The following ATXN2 variants were observed in gnomAD, a reference collection of about 807,000 sequenced individuals.
ATXN2 encodes the protein ataxin-2.
A neutral mutation model predicts 138.6 loss-of-function variants in ATXN2; 37 were observed. The ratio of observed to expected loss-of-function variants is 0.27; its 90% CI spans 0.21 to 0.35. The LOEUF is 0.35. ATXN2 is among the 10% of genes least tolerant of loss of function. ATXN2 has a pLI of 1.00. For missense variants in ATXN2, 1,216 were observed against 1,480.3 expected (o/e 0.82, Z 2.93); for synonymous variants, 549 against 543.7 (o/e 1.01, Z -0.13).
At chr12:111,460,424 C>G (rs757216300) in intron 21 of ATXN2, among the ~76,000 whole-genome samples, 1 of 152,166 alleles carries the variant, frequency 6.6e-6, no homozygotes, top group Non-Finnish European at 1.5e-5. Context: ...TGGTCCCCTA[C>G]TGTTAAACCA....
intron 18 of ATXN2, among the ~76,000 whole-genome samples, chr12:111,481,047 C>T (rs1206783667): frequency 6.6e-6 from 1 of 152,108 alleles, no homozygotes; most frequent in South Asian, 2.1e-4. Flanking sequence ...TGGTGGTTCG[C>T]GTCTAAAATC....
chr12:111,557,013 G>A (rs1592898078), intron 1 of ATXN2, among the ~76,000 whole-genome samples: 1 of 152,040 alleles, frequency 6.6e-6, no homozygotes, highest in African/African-American at 2.4e-5. Context: ...TGGCTGTCAA[G>A]TAAAGATGAA....
intron 1 of ATXN2, chr12:111,581,703 G>C: frequency 1.5e-6 from 1 of 677,408 alleles, no homozygotes; most frequent in African/African-American, 1.8e-5. Flanking sequence ...CTGAACATCT[G>C]GGCCCTGATT....
In ATXN2 at chr12:111,453,681, A is replaced by T; in HGVS notation, c.3435T>A (p.Pro1145=). The T allele has an allele frequency of 6.2e-7, 1 of 1,600,970 alleles. No individual in the cohort carries two copies. Among genetic ancestry groups the T allele is most frequent in the South Asian group, 1.1e-5 (1 of 89,258 alleles). The stretch of plus-strand genomic sequence containing the variant: ...CCCTGCACACACACGCCTCACCTGA[A>T]GGGTGCGTCATATAGGGGAAATGCG... The part of the protein sequence containing the change: ...TTAHFPYMTH[P]SVQAHHQQQL Residue 1145 remains proline (P), a synonymous_variant, in exon 24 of 25, where the codon CCT becomes CCA. Transcript: ENST00000673436. The surrounding 1 kb of genome is among the most constrained non-coding windows in gnomAD (Gnocchi z 5.4).
At chr12:111,554,341 A>G in intron 2 of ATXN2, 124 bp from the exon 3 acceptor site, 1 of 588,022 alleles carries the variant, frequency 1.7e-6, no homozygotes, top group East Asian at 3.4e-5. Flanking sequence ...GGATATTTGC[A>G]TTATACTTAG....
chr12:111,456,839 C>T (rs1875139729), intron 22 of ATXN2, among the ~76,000 whole-genome samples: 1 of 152,084 alleles, frequency 6.6e-6, no homozygotes, highest in South Asian at 2.1e-4. Context: ...GCTCCGCCTC[C>T]CGGGTTCACG....
intron 1 of ATXN2, chr12:111,597,846 GC>G: frequency 7.8e-7 from 1 of 1,284,762 alleles, no homozygotes; most frequent in East Asian, 5.6e-5. Flanking sequence ...TGCGCAGGGT[GC>G]CCGCCCCCTG....
At chr12:111,469,756 G>GC (rs1404336666) in intron 20 of ATXN2, 2 of 307,250 alleles carry the variant, frequency 6.5e-6, no homozygotes, top group Non-Finnish European at 1.2e-5. Context: ...ACACCTTTAT[G>GC]CTTTTATTAT....
intron 14 of ATXN2, among the ~76,000 whole-genome samples, chr12:111,493,817 C>CA (rs1386841803): frequency 2.4e-4 from 36 of 151,796 alleles, no homozygotes; most frequent in Admixed American, 2.4e-3. Flanking sequence ...TTAGTAGAGA[C>CA]AGAGTTTCAC....
At position 111,567,266 on chromosome 12, in the gene ATXN2, T is replaced by C. The variant is rs116368304; in HGVS notation, c.252-11347A>G. Among the ~76,000 whole-genome samples, 856 of 151,820 alleles carry C rather than the reference T, an allele frequency of 5.6e-3. 5 individuals are homozygous for C. The highest frequency in any genetic ancestry group is 0.019 in the African/African-American group (786 of 41,414). ...CTTGTAATCCCAGCACTTTGCGAAG[T>C]TGAGGCGGGCAGATCACGAAGCCAG... is the stretch of plus-strand genomic sequence containing the variant. On this transcript the variant is annotated intron_variant, in intron 1 of 24. Coordinates refer to ENST00000673436, the MANE Select transcript of ATXN2 (RefSeq NM_001372574.1).
intron 22 of ATXN2, 38 bp from the exon 23 acceptor site, chr12:111,456,294 T>C (rs1324455799): frequency 1.2e-6 from 2 of 1,609,296 alleles, no homozygotes; most frequent in South Asian, 2.2e-5. Context: ...GGAAAACTTC[T>C]TTAATGAAAA....
At chr12:111,589,989 C>A (rs1884571723) in intron 1 of ATXN2, among the ~76,000 whole-genome samples, 1 of 151,956 alleles carries the variant, frequency 6.6e-6, no homozygotes, top group African/African-American at 2.4e-5. Context: ...ACAGGCAGAT[C>A]ACCTAAGGTC....
At chr12:111,574,539 T>C (rs1468410495) in intron 1 of ATXN2, among the ~76,000 whole-genome samples, 5 of 151,982 alleles carry the variant, frequency 3.3e-5, no homozygotes, top group Non-Finnish European at 5.9e-5. Flanking sequence ...GTGACCCTCC[T>C]GAGTCAGCCT....
Position 111,510,587 on chromosome 12 carries a change from A to G in ATXN2, c.1559-5T>C, listed in dbSNP as rs779676004. On this transcript the variant is annotated splice_polypyrimidine_tract_variant and splice_region_variant and intron_variant, in intron 11 of 24. Coordinates refer to ENST00000673436, the MANE Select transcript of ATXN2 (RefSeq NM_001372574.1). Reference sequence around the variant, plus strand: ...TTTTAGGGGATAATCTTGGAACTAGAAGAAAGGGAAAATGTATTTATTACA... The same window carrying G: ...TTTTAGGGGATAATCTTGGAACTAGGAGAAAGGGAAAATGTATTTATTACA... The G allele has an allele frequency of 1.3e-6, 2 of 1,594,922 alleles. No homozygotes were observed. Among genetic ancestry groups the G allele is most frequent in the South Asian group, 2.2e-5 (2 of 89,548 alleles).
chr12:111,581,856 G>A (rs1023502364), intron 1 of ATXN2: 2 of 285,560 alleles, frequency 7.0e-6, no homozygotes, highest in Non-Finnish European at 1.3e-5. Context: ...TCCATTCCTC[G>A]CCCTGCCCCC....
chr12:111,567,640 C>T (rs1195003231), intron 1 of ATXN2, among the ~76,000 whole-genome samples: 2 of 151,966 alleles, frequency 1.3e-5, no homozygotes, highest in East Asian at 1.9e-4. Flanking sequence ...ATGGTGAAAC[C>T]CCATCTCTAC....
chr12:111,484,843 G>A (rs533754348), intron 18 of ATXN2, among the ~76,000 whole-genome samples: 5 of 151,986 alleles, frequency 3.3e-5, no homozygotes, highest in South Asian at 4.2e-4. Flanking sequence ...TGATCCTCTC[G>A]CCTCAGTCCC....
chr12:111,509,435 A>T, intron 14 of ATXN2, 114 bp downstream of exon 14: 1 of 656,586 alleles, frequency 1.5e-6, no homozygotes, highest in Non-Finnish European at 2.7e-6. Context: ...TCTGCTTTCT[A>T]CATATATGGT....
chr12:111,525,640 T>C (rs1195620568), intron 5 of ATXN2, among the ~76,000 whole-genome samples: 1 of 152,096 alleles, frequency 6.6e-6, no homozygotes, highest in Non-Finnish European at 1.5e-5. Flanking sequence ...CAGATGACTA[T>C]CAGTAAAGGT....
Sources: allele counts gnomAD v4.1 joint callset (sites outside exome capture counted in the v4.1 genomes callset), GRCh38; gene constraint gnomAD v4.1.1; non-coding constraint Gnocchi (gnomAD v3.1); transcripts MANE v1.5; gene names NCBI Gene and HGNC (gene_info 2026-07-23, HGNC 2026-07-21).